ZNF675: variants seen among roughly 807,000 people sequenced by gnomAD.
ZNF675 encodes the protein zinc finger protein 675.
ZNF675 carries 36 observed loss-of-function variants against 56.1 expected under a neutral mutation model. That is an observed-to-expected ratio of 0.64 (90% CI 0.49 to 0.85). The LOEUF (loss-of-function observed/expected upper bound fraction) is 0.85, where lower values mean the gene tolerates loss of function less well. Ranked by LOEUF, ZNF675 falls within the 40% of genes least tolerant of loss-of-function variation. The pLI is 0.00. For synonymous variants in ZNF675, 200 were observed against 218.9 expected, an observed-to-expected ratio of 0.91 and a Z score of 0.76; for missense variants, 663 against 654.2, an observed-to-expected ratio of 1.01 and a Z score of -0.15.
intron 3 of ZNF675, among the ~76,000 whole-genome samples, chr19:23,660,348 C>A (rs1968059492): frequency 6.6e-6 from 1 of 152,214 alleles, no homozygotes; most frequent in Non-Finnish European, 1.5e-5. Context: ...ATTGTCAATG[C>A]TGCTAGTTTA....
intron 1 of ZNF675, among the ~76,000 whole-genome samples, chr19:23,679,447 T>C (rs1054012428): frequency 6.6e-6 from 1 of 151,506 alleles, no homozygotes; most frequent in Non-Finnish European, 1.5e-5. Flanking sequence ...GAAGATAACC[T>C]AGGAAATATC....
At position 23,684,412 on chromosome 19, in the gene ZNF675, A is replaced by G. The variant is rs1232242750; in HGVS notation, c.3+2619T>C. Among the ~76,000 whole-genome samples the G allele has an allele frequency of 2.6e-5, 4 of 152,116 alleles. No individual in the cohort carries two copies. In the East Asian group the frequency reaches 7.7e-4, roughly 29 times the overall value. Reference sequence around the variant, plus strand: ...GTAATTCCAGCACTTTGGGAGGCCAAGAGGGGCGGATCACCTGAGGTCGGG... The same window carrying G: ...GTAATTCCAGCACTTTGGGAGGCCAGGAGGGGCGGATCACCTGAGGTCGGG... On this transcript the variant is annotated intron_variant, in intron 1 of 3. Transcript: ENST00000359788.
intron 1 of ZNF675, among the ~76,000 whole-genome samples, chr19:23,676,334 TCC>T (rs750627547): frequency 6.6e-6 from 1 of 151,558 alleles, no homozygotes; most frequent in Non-Finnish European, 1.5e-5. Flanking sequence ...AAAGGACTTC[TCC>T]CCAAGTTATT....
intron 1 of ZNF675, among the ~76,000 whole-genome samples, chr19:23,684,308 CTT>C (rs1968415639): frequency 6.6e-6 from 1 of 150,672 alleles, no homozygotes; most frequent in Non-Finnish European, 1.5e-5. Flanking sequence ...GTGCACTAAT[CTT>C]TTCAAGGTGA....
chr19:23,666,302 T>C (rs1968149941), intron 1 of ZNF675, among the ~76,000 whole-genome samples: 1 of 152,242 alleles, frequency 6.6e-6, no homozygotes, highest in Non-Finnish European at 1.5e-5. Flanking sequence ...CCTTAGCCTC[T>C]AATTGGTTGC....
intron 1 of ZNF675, among the ~76,000 whole-genome samples, chr19:23,666,931 T>A (rs1361676142): frequency 2.6e-5 from 4 of 152,114 alleles, no homozygotes; most frequent in African/African-American, 7.2e-5. Flanking sequence ...TTTTTCTGAG[T>A]CCTATTGTTT....
At chr19:23,663,884 C>G (rs1443980025) in intron 1 of ZNF675, among the ~76,000 whole-genome samples, 3 of 151,672 alleles carry the variant, frequency 2.0e-5, no homozygotes, top group African/African-American at 7.3e-5. Flanking sequence ...GCAGGTTTTC[C>G]CAATAGAAAT....
At chr19:23,681,010 AG>A (rs1968369333) in intron 1 of ZNF675, among the ~76,000 whole-genome samples, 1 of 151,768 alleles carries the variant, frequency 6.6e-6, no homozygotes, top group African/African-American at 2.4e-5. Context: ...AAAAGTTAAA[AG>A]TAAAAAATCC....
At chr19:23,658,092 TGGCTC>T (rs1486489940) in intron 3 of ZNF675, among the ~76,000 whole-genome samples, 1 of 152,156 alleles carries the variant, frequency 6.6e-6, no homozygotes, top group Non-Finnish European at 1.5e-5. Flanking sequence ...CCAGATGCAG[TGGCTC>T]ACGTCTGTAA....
At position 23,654,378 on chromosome 19, in the gene ZNF675, T is replaced by C. The variant is rs776978982; in HGVS notation, c.555A>G (p.Ser185=). ...AATTTCTTTCATGTCGAGTTAGGTG[T>C]GAAAGCATGCAAAATGATCTGCCAC... The part of the protein sequence containing the change: ...KECGRSFCML[S]HLTRHERNYT... The change falls in exon 4 of 4, where the codon TCA becomes TCG. Residue 185 remains serine (S), a synonymous_variant. Coordinates refer to ENST00000359788, the MANE Select transcript of ZNF675 (RefSeq NM_138330.3). The C allele has an allele frequency of 6.2e-7, 1 of 1,612,262 alleles. No homozygotes were observed. Among genetic ancestry groups the C allele is most frequent in the Admixed American group, 1.7e-5 (1 of 59,788 alleles).
intron 1 of ZNF675, among the ~76,000 whole-genome samples, chr19:23,678,629 T>C (rs1968333524): frequency 6.8e-6 from 1 of 147,286 alleles, no homozygotes; most frequent in African/African-American, 2.6e-5. Flanking sequence ...GCCAAGGCAC[T>C]TTTCTAAGCA....
rs540252006 is a variant in ZNF675, at chr19:23,670,389, C to T, written c.4-7231G>A. The stretch of plus-strand genomic sequence containing the variant: ...TGGTCAGAAATCTCCTATGTACAGC[C>T]CTTCATGACCCTATATCAAAACCTA... On this transcript the variant is annotated intron_variant, in intron 1 of 3. Transcript: ENST00000359788. 9.2e-5 allele frequency among the ~76,000 whole-genome samples: 14 copies of T among 152,248 alleles called. No homozygotes were observed. In the South Asian group the frequency reaches 2.1e-3, roughly 23 times the overall value.
At chr19:23,657,893 CTTAA>C (rs1490328653) in intron 3 of ZNF675, among the ~76,000 whole-genome samples, 1 of 151,946 alleles carries the variant, frequency 6.6e-6, no homozygotes, top group East Asian at 1.9e-4. Context: ...TGATTTATTT[CTTAA>C]TTAAATCCCA....
chr19:23,662,782 C>A (rs987478701), intron 2 of ZNF675, among the ~76,000 whole-genome samples: 1 of 151,704 alleles, frequency 6.6e-6, no homozygotes, highest in Non-Finnish European at 1.5e-5. Flanking sequence ...GAGTTCGAGA[C>A]CAGCCTGGAC....
At chr19:23,669,011 C>T (rs575254042) in intron 1 of ZNF675, among the ~76,000 whole-genome samples, 5 of 152,322 alleles carry the variant, frequency 3.3e-5, no homozygotes, top group Admixed American at 1.3e-4. Flanking sequence ...CCTCAAGTGC[C>T]GCCAAAGTAG....
chr19:23,671,453 G>T (rs749483064), intron 1 of ZNF675, among the ~76,000 whole-genome samples: 2 of 152,148 alleles, frequency 1.3e-5, no homozygotes, highest in Non-Finnish European at 2.9e-5. Flanking sequence ...AGAGACTCTT[G>T]CTTCAAATGC....
chr19:23,667,111 T>C (rs1968161999), intron 1 of ZNF675, among the ~76,000 whole-genome samples: 1 of 152,032 alleles, frequency 6.6e-6, no homozygotes, highest in Non-Finnish European at 1.5e-5. Flanking sequence ...TTCTGGTGGG[T>C]TCGTGGTCTC....
At chr19:23,678,768 T>G (rs1235973433) in intron 1 of ZNF675, among the ~76,000 whole-genome samples, 3 of 151,474 alleles carry the variant, frequency 2.0e-5, no homozygotes, top group Non-Finnish European at 4.4e-5. Context: ...CAAAAAATAA[T>G]GCCACGCACT....
At chr19:23,679,977 C>T (rs1968354404) in intron 1 of ZNF675, among the ~76,000 whole-genome samples, 2 of 148,500 alleles carry the variant, frequency 1.3e-5, no homozygotes, top group South Asian at 4.2e-4. Context: ...GCAACAAGAG[C>T]GAGACTCCGT....
Sources: gnomAD v4.1 joint callset for allele counts (sites outside exome capture counted in the v4.1 genomes callset) on GRCh38, gnomAD v4.1.1 for gene constraint, MANE v1.5 for transcripts, NCBI Gene and HGNC (gene_info 2026-07-23, HGNC 2026-07-21) for gene names.